MUC5B: variants seen among roughly 807,000 people sequenced by gnomAD.
MUC5B encodes mucin 5B, oligomeric mucus/gel-forming, also known as mucin-5B.
A neutral mutation model predicts 376.9 loss-of-function variants in MUC5B; 116 were observed. That is an observed-to-expected ratio of 0.31 (90% confidence interval 0.26 to 0.36). The LOEUF (loss-of-function observed/expected upper bound fraction) is 0.36. Ranked by LOEUF, MUC5B falls within the 10% of genes least tolerant of loss-of-function variation. The pLI, the probability that MUC5B is intolerant of heterozygous loss-of-function variation, is 1.00. For synonymous variants in MUC5B, 3,517 were observed against 3,390.9 expected (o/e 1.04, Z -1.29); for missense variants, 7,165 against 7,769.9 (o/e 0.92, Z 2.93).
chr11:1,230,029 G>A lies in MUC5B; in HGVS notation c.1245G>A (p.Gln415=). 1.9e-6 allele frequency: 3 copies of A among 1,605,374 alleles called. No homozygotes were observed. The highest frequency in any genetic ancestry group is 2.5e-6 in the Non-Finnish European group (3 of 1,176,780). The change falls in exon 11 of 49, where the codon CAG becomes CAA. Residue 415 remains glutamine, a synonymous_variant. Coordinates refer to ENST00000529681, the MANE Select transcript of MUC5B (RefSeq NM_002458.3). ...GCACCTGCTCCGGGGGGCTATGGCA[G>A]TGCCAGGACCTGCCGTGCCCTGGCA... ...SSCTCSGGLW[Q]CQDLPCPGTC... is the part of the protein sequence containing the mutation.
Position 1,253,061 on chromosome 11 carries a change from C to A in MUC5B, c.15217+81C>A. On this transcript the variant is annotated intron_variant, in intron 33 of 48. Coordinates refer to ENST00000529681, the MANE Select transcript of MUC5B (RefSeq NM_002458.3). The surrounding 1 kb of genome is among the most constrained non-coding windows in gnomAD (Gnocchi z 4.3). ...CGTCGGCTAGGCTGGCAGAATGGGG[C>A]ATGGTGGGGCACAGTGGGGTGCAGT... 5 of 1,361,790 alleles carry A rather than the reference C, an allele frequency of 3.7e-6. No individual in the cohort carries two copies. The highest frequency in any genetic ancestry group is 5.0e-6 in the Non-Finnish European group (5 of 1,007,616). The allele number at this position is 1,361,790 out of a possible 1,614,324, so 84.4% of individuals were successfully genotyped here. A position where few individuals can be genotyped will look rare whatever the true frequency, so the allele number is the denominator to read the frequency against.
intron 38 of MUC5B, among the ~76,000 whole-genome samples, chr11:1,256,435 C>T (rs991461842): frequency 2.6e-5 from 4 of 151,610 alleles, no homozygotes; most frequent in Non-Finnish European, 5.9e-5. Flanking sequence ...ACGCCTGGCC[C>T]CGCATCCCCA....
intron 32 of MUC5B, 90 bp from the exon 33 acceptor site, chr11:1,252,719 C>T: frequency 4.7e-6 from 7 of 1,486,408 alleles, no homozygotes; most frequent in Non-Finnish European, 5.4e-6. Context: ...CTTGTGGCCA[C>T]CCGGGGCTTT....
chr11:1,226,761 G>A lies in MUC5B; in HGVS notation c.346G>A (p.Val116Ile), dbSNP rs373686293. 1.5e-5 allele frequency: 24 copies of A among 1,612,540 alleles called. No individual in the cohort carries two copies. Among genetic ancestry groups the A allele is most frequent in the African/African-American group, 8.0e-5 (6 of 74,934 alleles). The change falls in exon 4 of 49, where the codon GTC becomes ATC. Residue 116 changes from valine to isoleucine, a missense_variant. Coordinates refer to ENST00000529681, the MANE Select transcript of MUC5B (RefSeq NM_002458.3). ...CCGCGCCGCCTACGAGGACTTCAAC[G>A]TCCAGCTACGCCGAGGCCTAGTGGG... ...HCRAAYEDFNVQLRRGLVGSR... is the reference protein window; with the variant it reads ...HCRAAYEDFNIQLRRGLVGSR...
chr11:1,255,438 A>G lies in MUC5B; in HGVS notation c.15946A>G (p.Ile5316Val), dbSNP rs1374314801. The change falls in exon 37 of 49, where the codon ATC (isoleucine) becomes GTC (valine). Residue 5316 changes from isoleucine to valine, a missense_variant. Ile to Val is a conservative substitution (Grantham distance 29). This residue lies in a region of MUC5B where 842 missense variants were observed against 1,016.9 expected (regional missense o/e 0.83). Transcript: ENST00000529681. ...CCCGGGCCCATTCTTCAACGCCTGC[A>G]TCAGCGACCACTGCAGGGGCCGCCT... ...VPPGPFFNAC[I>V]SDHCRGRLEV... 6.2e-7 allele frequency: 1 copy of G among 1,604,220 alleles called. No individual in the cohort carries two copies. The highest frequency in any genetic ancestry group is 1.3e-5 in the African/African-American group (1 of 74,702).
In MUC5B at chr11:1,257,536, G is replaced by A. The variant is rs1461447106; in HGVS notation, c.16276G>A (p.Glu5426Lys). 6.2e-7 allele frequency: 1 copy of A among 1,608,460 alleles called. No individual in the cohort carries two copies. The highest frequency in any genetic ancestry group is 1.3e-5 in the African/African-American group (1 of 75,046). The part of the protein sequence containing the change: ...GPDGFPKFPG[E>K]RWVSNCQSCV... ...CCCCCTTGATCCATTCCAGCCCGGGGAGCGGTGGGTCAGCAACTGCCAGTC... is the reference window on the plus strand; with the variant it reads ...CCCCCTTGATCCATTCCAGCCCGGGAAGCGGTGGGTCAGCAACTGCCAGTC... Residue 5426 changes from glutamate (E) to lysine (K), a missense_variant, in exon 41 of 49, where the codon GAG becomes AAG. Coordinates refer to ENST00000529681, the MANE Select transcript of MUC5B (RefSeq NM_002458.3). This position sits in a 1 kb window ranked among gnomAD's most constrained non-coding sequence, Gnocchi z 8.9.
chr11:1,232,071 C>T lies in MUC5B; in HGVS notation c.1754C>T (p.Ala585Val). 4 of 1,612,796 alleles carry T rather than the reference C, an allele frequency of 2.5e-6. No individual in the cohort carries two copies. Among genetic ancestry groups the T allele is most frequent in the Non-Finnish European group, 3.4e-6 (4 of 1,179,794 alleles). ...AGCGGGGTGGTGGAGGCCACGGGCG[C>T]AGCCTTCGCCAACACCTGGAAGGCC... ...ALSGVVEATGAAFANTWKAQA... is the reference protein window; with the variant it reads ...ALSGVVEATGVAFANTWKAQA... Residue 585 changes from alanine (A) to valine (V), a missense_variant, in exon 15 of 49, where the codon GCA becomes GTA. Ala to Val is a moderately conservative substitution (Grantham distance 64). Coordinates refer to ENST00000529681, the MANE Select transcript of MUC5B (RefSeq NM_002458.3).
Position 1,246,629 on chromosome 11 carries a change from C to A in MUC5B, c.9749C>A (p.Thr3250Asn), listed in dbSNP as rs1247032819. The change falls in exon 31 of 49, where the codon ACC becomes AAC. Residue 3250 changes from threonine to asparagine, a missense_variant. This residue lies in a region of MUC5B where 939 missense variants were observed against 770.6 expected (regional missense o/e 1.22). Transcript: ENST00000529681. The part of the protein sequence containing the change: ...IPSSSLGTAW[T>N]RLSQTTTPTA... ...TCTTCCTCCCTGGGCACCGCCTGGA[C>A]CCGCCTATCACAGACCACCACACCC... 1.9e-6 allele frequency: 3 copies of A among 1,613,074 alleles called. No individual in the cohort carries two copies. The highest frequency in any genetic ancestry group is 2.2e-5 in the East Asian group (1 of 44,844).
intron 17 of MUC5B, 71 bp downstream of exon 17, chr11:1,232,841 G>C: frequency 6.7e-7 from 1 of 1,502,634 alleles, no homozygotes; most frequent in African/African-American, 1.4e-5. Flanking sequence ...GCCGGCAGCA[G>C]CCGTCACTCA....
At position 1,246,426 on chromosome 11, in the gene MUC5B, C is replaced by T. The variant is rs745972799; in HGVS notation, c.9546C>T (p.Thr3182=). The T allele has an allele frequency of 3.5e-5, 57 of 1,613,414 alleles. No homozygotes were observed. Among genetic ancestry groups the T allele is most frequent in the East Asian group, 8.9e-5 (4 of 44,850 alleles). The change falls in exon 31 of 49, where the codon ACC becomes ACT. Residue 3182 remains threonine, a synonymous_variant. Coordinates refer to ENST00000529681, the MANE Select transcript of MUC5B (RefSeq NM_002458.3). ...CGGTGCCCACCGGATCCACGGCCAC[C>T]GCCTCCTCCACCCGGGCAACTGCTG... ...TVTVPTGSTA[T]ASSTRATAGT...
chr11:1,232,896 G>A (rs892749451), intron 17 of MUC5B, 117 bp from the exon 18 acceptor site: 40 of 1,460,042 alleles, frequency 2.7e-5, no homozygotes, highest in African/African-American at 9.8e-5. Flanking sequence ...TCCCAGCCTC[G>A]CAAGAACCTC....
rs1036205056 is a variant in MUC5B at position 1,253,409 on chromosome 11, C to T, written c.15217+429C>T. ...GGCCAGGAGAAGCTCAGGATGGAAG[C>T]GGGAGCCCAGAGGAGCTTTTGTCTC... is the stretch of plus-strand genomic sequence containing the variant. On this transcript the variant is annotated intron_variant, in intron 33 of 48. Coordinates refer to ENST00000529681, the MANE Select transcript of MUC5B (RefSeq NM_002458.3). The surrounding 1 kb of genome is among the most constrained non-coding windows in gnomAD (Gnocchi z 4.3). Among the ~76,000 whole-genome samples the T allele has an allele frequency of 2.0e-5, 3 of 151,952 alleles. No individual in the cohort carries two copies. The highest frequency in any genetic ancestry group is 2.9e-5 in the Non-Finnish European group (2 of 67,964).
At position 1,234,192 on chromosome 11, in the gene MUC5B, G is replaced by T. The variant is rs1325430600; in HGVS notation, c.2378-13G>T. 6.3e-7 allele frequency: 1 copy of T among 1,588,962 alleles called. No individual in the cohort carries two copies. Among genetic ancestry groups the T allele is most frequent in the East Asian group, 2.3e-5 (1 of 43,926 alleles). On this transcript the variant is annotated splice_polypyrimidine_tract_variant and intron_variant, in intron 19 of 48. Transcript: ENST00000529681. The surrounding 1 kb of genome is among the most constrained non-coding windows in gnomAD (Gnocchi z 6.3). ...CCTTCCCCAGGACCCCTCCCACCAA[G>T]CTCTGTCCCCAGGGTGTGCAGCCCC...
chr11:1,232,798 T>C lies in MUC5B; in HGVS notation c.2065+28T>C, dbSNP rs1862059564. 8 of 1,569,824 alleles carry C rather than the reference T, an allele frequency of 5.1e-6. No homozygotes were observed. In the East Asian group the frequency reaches 1.8e-4, roughly 36 times the overall value. On this transcript the variant is annotated intron_variant, in intron 17 of 48. Transcript: ENST00000529681. ...GAGTGCCCACGCTGGGGGTGGGATG[T>C]GTCCACACCGCGTGGGGGTGCGGGG...
chr11:1,233,125 C>T lies in MUC5B; in HGVS notation c.2178C>T (p.Phe726=), dbSNP rs751754565. ...CCGACGTCACCTGCAGCGTTTCCTTCGTGCCTGTGGACGGCTGCACCTGCC... is the reference window on the plus strand; with the variant it reads ...CCGACGTCACCTGCAGCGTTTCCTTTGTGCCTGTGGACGGCTGCACCTGCC... ...SEADVTCSVS[F]VPVDGCTCPA... The change falls in exon 18 of 49, where the codon TTC becomes TTT. Residue 726 remains phenylalanine, a synonymous_variant. Transcript: ENST00000529681. 27 of 1,607,606 alleles carry T rather than the reference C, an allele frequency of 1.7e-5. No individual in the cohort carries two copies. In the East Asian group the frequency reaches 3.6e-4, roughly 21 times the overall value.
Position 1,236,543 on chromosome 11 carries a change from G to A in MUC5B, c.3038G>A (p.Arg1013Gln), listed in dbSNP as rs369710646. The A allele has an allele frequency of 1.2e-5, 19 of 1,612,682 alleles. No homozygotes were observed. Among genetic ancestry groups the A allele is most frequent in the Middle Eastern group, 1.6e-4 (1 of 6,082 alleles). The part of the protein sequence containing the change: ...SWDRKTSVFI[R>Q]LHQDYKGRVC... ...GACCGGAAGACCAGCGTGTTCATCC[G>A]ACTGCACCAGGACTACAAGGTGAGC... is the stretch of plus-strand genomic sequence containing the variant. The change falls in exon 24 of 49, where the codon CGA becomes CAA. Residue 1013 changes from arginine (R) to glutamine (Q), a missense_variant. By Grantham distance (43) the Arg-to-Gln change is conservative (BLOSUM62 1). This residue lies in a region of MUC5B where 530 missense variants were observed against 604.0 expected (regional missense o/e 0.88). Transcript: ENST00000529681.
chr11:1,257,745 G>A lies in MUC5B; in HGVS notation c.16450+35G>A. On this transcript the variant is annotated intron_variant, in intron 41 of 48. Coordinates refer to ENST00000529681, the MANE Select transcript of MUC5B (RefSeq NM_002458.3). This position sits in a 1 kb window ranked among gnomAD's most constrained non-coding sequence, Gnocchi z 8.9. ...TGCAGAGCAGAGGTGCCCGGCATAG[G>A]GTGAGGGGGGACAGAGCCGGTGCCC... 1 of 1,515,608 alleles carries A rather than the reference G, an allele frequency of 6.6e-7. No individual in the cohort carries two copies. Among genetic ancestry groups the A allele is most frequent in the Non-Finnish European group, 8.8e-7 (1 of 1,134,056 alleles). 93.9% of individuals were successfully genotyped at this position (1,515,608 alleles called of 1,614,324 possible).
rs1327051889 is a variant in MUC5B at position 1,229,056 on chromosome 11, C to T, written c.977-114C>T. On this transcript the variant is annotated intron_variant, in intron 8 of 48. Coordinates refer to ENST00000529681, the MANE Select transcript of MUC5B (RefSeq NM_002458.3). Reference sequence around the variant, plus strand: ...GCGTCAGGGCCACCCTGGGGCCTAGCTCTGGCTTCTGTGGACTTGATGGCA... The same window carrying T: ...GCGTCAGGGCCACCCTGGGGCCTAGTTCTGGCTTCTGTGGACTTGATGGCA... The T allele has an allele frequency of 8.5e-6, 11 of 1,299,130 alleles. No homozygotes were observed. The Admixed American group carries it at 1.7e-4, about 20-fold the overall frequency. 80.5% of individuals were successfully genotyped at this position (1,299,130 alleles called of 1,614,324 possible).
rs1234860004 is a variant in MUC5B, at chr11:1,246,152, T to C, written c.9272T>C (p.Met3091Thr). The C allele has an allele frequency of 1.2e-6, 2 of 1,607,072 alleles. No homozygotes were observed. Among genetic ancestry groups the C allele is most frequent in the Non-Finnish European group, 8.5e-7 (1 of 1,177,776 alleles). The change falls in exon 31 of 49, where the codon ATG (methionine) becomes ACG (threonine). Residue 3091 changes from methionine to threonine, a missense_variant. This residue lies in a region of MUC5B where 939 missense variants were observed against 770.6 expected (regional missense o/e 1.22). Coordinates refer to ENST00000529681, the MANE Select transcript of MUC5B (RefSeq NM_002458.3). Reference protein sequence around the residue: ...PEQTTTPMATMSTIHPSSTPE... With the variant: ...PEQTTTPMATTSTIHPSSTPE... ...CAGACCACCACACCCATGGCCACCA[T>C]GTCCACAATCCACCCCTCCTCCACT...
Sources: gnomAD v4.1 joint callset for allele counts (sites outside exome capture counted in the v4.1 genomes callset) on GRCh38, gnomAD v4.1.1 for gene constraint, gnomAD v4.1.1 regional missense constraint, Gnocchi (gnomAD v3.1) non-coding constraint, MANE v1.5 for transcripts, NCBI Gene and HGNC (gene_info 2026-07-23, HGNC 2026-07-21) for gene names.